The following VTA1 variants were observed in gnomAD, a reference collection of about 807,000 sequenced individuals.
The protein encoded by VTA1 is vesicle trafficking 1.
A neutral mutation model predicts 36.9 loss-of-function variants in VTA1; 24 were observed. The observed-to-expected ratio is 0.65, with a 90% confidence interval of 0.47 to 0.91. The LOEUF (loss-of-function observed/expected upper bound fraction) is 0.91, where lower values mean the gene tolerates loss of function less well. Among genes scored for constraint, VTA1 ranks in the 40% least tolerant of loss-of-function variants. The pLI, the probability that VTA1 is intolerant of heterozygous loss-of-function variation, is 0.00. For missense variants in VTA1, 393 were observed against 377.2 expected (o/e 1.04, Z -0.35); for synonymous variants, 142 against 130.2 (o/e 1.09, Z -0.62).
At chr6:142,154,088 A>G (rs546211575) in intron 1 of VTA1, among the ~76,000 whole-genome samples, 51 of 152,036 alleles carry the variant, frequency 3.4e-4, no homozygotes, top group Non-Finnish European at 6.3e-4. Context: ...ACCCATTACC[A>G]TAGTCAAGAT....
rs142627160 is a variant in VTA1, at chr6:142,173,545, T to G, written c.411+3124T>G. ...CTAGTTCTTATTTGGGGAAGCTACC[T>G]TCCCCTATGTATTTTAGAAGCAAGC... On this transcript the variant is annotated intron_variant, in intron 4 of 7. Coordinates refer to ENST00000367630, the MANE Select transcript of VTA1 (RefSeq NM_016485.5). Among the ~76,000 whole-genome samples the G allele has an allele frequency of 7.7e-4, 118 of 152,326 alleles. 1 individual carries two copies. The highest frequency in any genetic ancestry group is 2.7e-3 in the African/African-American group (112 of 41,578).
Position 142,169,648 on chromosome 6 carries a change from C to T in VTA1, c.306C>T (p.Asp102=). ...NYALKMFLYA[D]NEDRAGRFHK... ...CTTTGAAAATGTTTTTGTATGCAGA[C>T]AATGAAGATCGTGCTGGACGATTTC... The change falls in exon 3 of 8, where the codon GAC becomes GAT. Residue 102 remains aspartate (D), a synonymous_variant. Transcript: ENST00000367630. The T allele has an allele frequency of 6.2e-7, 1 of 1,606,734 alleles. No homozygotes were observed. The highest frequency in any genetic ancestry group is 8.5e-7 in the Non-Finnish European group (1 of 1,178,174).
chr6:142,193,394 T>G (rs1364056033), intron 5 of VTA1, among the ~76,000 whole-genome samples: 2 of 152,148 alleles, frequency 1.3e-5, no homozygotes, highest in Non-Finnish European at 2.9e-5. Context: ...AATAAGTAAT[T>G]TGTGGAAGAT....
In VTA1 at chr6:142,173,752, G is replaced by C. The variant is rs149249235; in HGVS notation, c.411+3331G>C. 1.7e-3 allele frequency among the ~76,000 whole-genome samples: 255 copies of C among 152,228 alleles called. 2 individuals are homozygous for C. The highest frequency in any genetic ancestry group is 5.9e-3 in the African/African-American group (246 of 41,538). ...ACATTAATTTATCTGTATTTCAGGA[G>C]AATAATCTAGGTTTACTTTTAGCTA... On this transcript the variant is annotated intron_variant, in intron 4 of 7. Coordinates refer to ENST00000367630, the MANE Select transcript of VTA1 (RefSeq NM_016485.5).
intron 7 of VTA1, 134 bp from the exon 8 acceptor site, chr6:142,218,364 T>C: frequency 1.1e-6 from 1 of 870,926 alleles, no homozygotes; most frequent in South Asian, 1.7e-5. Flanking sequence ...TCAAAGTTCA[T>C]GTGAGATTGA....
chr6:142,153,617 GTTTTC>G (rs1288491709), intron 1 of VTA1, among the ~76,000 whole-genome samples: 2 of 151,668 alleles, frequency 1.3e-5, no homozygotes, highest in Admixed American at 6.6e-5. Context: ...TTGGTCTTTT[GTTTTC>G]TTTTTAAATC....
intron 5 of VTA1, among the ~76,000 whole-genome samples, chr6:142,193,714 G>A (rs1402056160): frequency 6.6e-6 from 1 of 151,040 alleles, no homozygotes; most frequent in Admixed American, 6.6e-5. Context: ...ACATTCTTTG[G>A]TATCTAGTAT....
intron 1 of VTA1, among the ~76,000 whole-genome samples, chr6:142,151,892 G>T (rs1324676407): frequency 1.3e-5 from 2 of 152,164 alleles, no homozygotes; most frequent in Admixed American, 1.3e-4. Flanking sequence ...AAATTAGCTG[G>T]ATGTGGTGGC....
chr6:142,196,976 G>T (rs914008662), intron 5 of VTA1, among the ~76,000 whole-genome samples: 11 of 151,938 alleles, frequency 7.2e-5, no homozygotes, highest in Non-Finnish European at 1.5e-4. Flanking sequence ...TATTTAGTTG[G>T]GGTTCATACA....
intron 7 of VTA1, among the ~76,000 whole-genome samples, chr6:142,211,801 AT>A (rs1263239508): frequency 1.3e-5 from 2 of 152,190 alleles, no homozygotes; most frequent in Non-Finnish European, 2.9e-5. Context: ...TTAACAAAAT[AT>A]ACGTAGAACT....
chr6:142,161,561 A>T (rs1044875327), intron 1 of VTA1, among the ~76,000 whole-genome samples: 1 of 152,178 alleles, frequency 6.6e-6, no homozygotes, highest in African/African-American at 2.4e-5. Context: ...CCTTTTGCAA[A>T]TATGCCTCAT....
chr6:142,161,701 G>A (rs150273936), intron 1 of VTA1, among the ~76,000 whole-genome samples: 1 of 152,186 alleles, frequency 6.6e-6, no homozygotes, highest in African/African-American at 2.4e-5. Flanking sequence ...TATTTTCCAT[G>A]TTAGACATTA....
chr6:142,170,347 A>C lies in VTA1; in HGVS notation c.337A>C (p.Asn113His), dbSNP rs1404400423. 6.2e-7 allele frequency: 1 copy of C among 1,604,658 alleles called. No individual in the cohort carries two copies. The highest frequency in any genetic ancestry group is 8.5e-7 in the Non-Finnish European group (1 of 1,174,768). The change falls in exon 4 of 8, where the codon AAC becomes CAC. Residue 113 changes from asparagine (N) to histidine (H), a missense_variant and splice_region_variant. Transcript: ENST00000367630. ...AGACCGCTCTCTTTTCTCTTCCAGAAACATGATCAAGTCCTTCTATACTGC... is the reference window on the plus strand; with the variant it reads ...AGACCGCTCTCTTTTCTCTTCCAGACACATGATCAAGTCCTTCTATACTGC... ...NEDRAGRFHK[N>H]MIKSFYTASL...
rs982450949 is a variant in VTA1 at position 142,147,583 on chromosome 6, G to T, written c.112+184G>T. Reference sequence around the variant, plus strand: ...GCAGTAGGAATCCCAAAACACCATGGTGTCCACTGCTTCTCCTATCTTGTG... The same window carrying T: ...GCAGTAGGAATCCCAAAACACCATGTTGTCCACTGCTTCTCCTATCTTGTG... On this transcript the variant is annotated intron_variant, in intron 1 of 7. Transcript: ENST00000367630. Among the ~76,000 whole-genome samples the T allele has an allele frequency of 4.6e-5, 7 of 152,182 alleles. No individual in the cohort carries two copies. In the South Asian group the frequency reaches 1.2e-3, roughly 27 times the overall value.
At position 142,219,815 on chromosome 6, in the gene VTA1, A is replaced by C. The variant is rs535515793; in HGVS notation, c.*1172A>C. 5.3e-5 allele frequency: 8 copies of C among 152,320 alleles called. No homozygotes were observed. In the East Asian group the frequency reaches 1.4e-3, roughly 26 times the overall value. The allele number at this position is 152,320 out of a possible 1,614,324, so 9.4% of individuals were successfully genotyped here. ...GAATCTTTAAACACAAGGGTCAGCAAGCTTTGGCCCATGGATTGGCCACCT... is the reference window on the plus strand; with the variant it reads ...GAATCTTTAAACACAAGGGTCAGCACGCTTTGGCCCATGGATTGGCCACCT... On this transcript the variant is annotated 3_prime_UTR_variant, in exon 8 of 8. Transcript: ENST00000367630.
At chr6:142,149,161 A>G (rs1043391703) in intron 1 of VTA1, among the ~76,000 whole-genome samples, 15 of 152,174 alleles carry the variant, frequency 9.9e-5, no homozygotes, top group East Asian at 3.8e-4. Context: ...TAAGTTTGAA[A>G]TAGTTGTCCA....
chr6:142,188,070 G>T (rs9496294), intron 4 of VTA1, among the ~76,000 whole-genome samples: 32 of 151,284 alleles, frequency 2.1e-4, no homozygotes, highest in African/African-American at 7.5e-4. Context: ...ACCATGCCCG[G>T]CTAATTTTTT....
intron 4 of VTA1, among the ~76,000 whole-genome samples, chr6:142,172,463 G>T (rs558532162): frequency 6.6e-6 from 1 of 152,268 alleles, no homozygotes; most frequent in South Asian, 2.1e-4. Flanking sequence ...AGGGTATGGG[G>T]CAATGCCCAT....
Position 142,183,097 on chromosome 6 carries a change from G to A in VTA1, c.412-6329G>A, listed in dbSNP as rs189159343. Among the ~76,000 whole-genome samples the A allele has an allele frequency of 6.4e-4, 97 of 152,296 alleles. 1 individual carries two copies. Among genetic ancestry groups the A allele is most frequent in the African/African-American group, 1.3e-3 (52 of 41,566 alleles). ...TAATCACCTGTTCATGCTGATAGGC[G>A]TCAAGGAAGATGGCATGTAAGCCTT... On this transcript the variant is annotated intron_variant, in intron 4 of 7. Transcript: ENST00000367630.
Sources: gnomAD v4.1 joint callset for allele counts (sites outside exome capture counted in the v4.1 genomes callset) on GRCh38, gnomAD v4.1.1 for gene constraint, MANE v1.5 for transcripts, NCBI Gene and HGNC (gene_info 2026-07-23, HGNC 2026-07-21) for gene names.